ASPM: variants seen among roughly 807,000 people sequenced by gnomAD.
The protein encoded by ASPM is assembly factor for spindle microtubules.
ASPM carries 256 observed loss-of-function variants against 366.4 expected under a neutral mutation model. The observed-to-expected ratio is 0.70, with a 90% CI of 0.63 to 0.77. The LOEUF is 0.77. Ranked by LOEUF, ASPM falls within the 30% of genes least tolerant of loss-of-function variation. The pLI is 0.00. For synonymous variants in ASPM, 1,414 were observed against 1,342.9 expected (o/e 1.05, Z -1.16); for missense variants, 4,146 against 4,090.4 (o/e 1.01, Z -0.37).
chr1:197,117,788 C>A lies in ASPM; in HGVS notation c.4065+1G>T. On this transcript the variant is annotated splice_donor_variant, in intron 17 of 27. Transcript: ENST00000367409. LOFTEE classifies it high-confidence loss of function. ...TCAAAAATTAGTCCAGGATACTATA[C>A]CTGAATAAGTGATGCTGCTTTATTT... is the stretch of plus-strand genomic sequence containing the variant. 1 of 1,610,502 alleles carries A rather than the reference C, an allele frequency of 6.2e-7. No homozygotes were observed. The highest frequency in any genetic ancestry group is 8.5e-7 in the Non-Finnish European group (1 of 1,178,414).
In ASPM at chr1:197,145,845, A is replaced by AATATATATATATAT. The variant is rs71131744; in HGVS notation, c.297+282_297+295dup. On this transcript the variant is annotated intron_variant, in intron 1 of 27. Transcript: ENST00000367409. Reference sequence around the variant, plus strand: ...CGTCTATCCTAGCCTTCAATTAGAGAATATATATATATATATATATATAAT... The same window carrying AATATATATATATAT: ...CGTCTATCCTAGCCTTCAATTAGAGAATATATATATATATATATATATATATATATATATATAAT... 8.5e-4 allele frequency among the ~76,000 whole-genome samples: 125 copies of AATATATATATATAT among 147,704 alleles called. 1 individual carries two copies. Among genetic ancestry groups the AATATATATATATAT allele is most frequent in the African/African-American group, 3.0e-3 (118 of 39,252 alleles).
intron 16 of ASPM, among the ~76,000 whole-genome samples, chr1:197,119,607 A>G (rs975904320): frequency 1.3e-4 from 7 of 55,046 alleles, no homozygotes; most frequent in Admixed American, 2.6e-4. Context: ...TACTGATGAT[A>G]AAAGTTTCCA....
At chr1:197,116,280 A>G (rs1657733940) in intron 17 of ASPM, among the ~76,000 whole-genome samples, 1 of 152,108 alleles carries the variant, frequency 6.6e-6, no homozygotes, top group Non-Finnish European at 1.5e-5. Flanking sequence ...CCTTCTCTGG[A>G]TTAGGCTTTG....
In ASPM at chr1:197,122,559, C is replaced by T. The variant is rs745826805; in HGVS notation, c.3427G>A (p.Val1143Met). Residue 1143 changes from valine (V) to methionine (M), a missense_variant, in exon 14 of 28, where the codon GTG becomes ATG. Around this residue, in one of 3 missense-constraint regions of ASPM, gnomAD observed 3,624 missense variants for 3,591.7 expected, o/e 1.01. Transcript: ENST00000367409. ...NFTVSFSDGR[V>M]LCYLIHHYHP... ...TAATGGTGGATCAGGTAACATAACACACGGCCGTCTGAGAAAGACACTGTA... is the reference window on the plus strand; with the variant it reads ...TAATGGTGGATCAGGTAACATAACATACGGCCGTCTGAGAAAGACACTGTA... The T allele has an allele frequency of 3.1e-6, 5 of 1,612,140 alleles. No homozygotes were observed. In the South Asian group the frequency reaches 5.5e-5, roughly 18 times the overall value.
intron 27 of ASPM, among the ~76,000 whole-genome samples, chr1:197,085,818 G>A (rs1162251524): frequency 2.0e-5 from 3 of 152,102 alleles, no homozygotes; most frequent in Admixed American, 2.0e-4. Flanking sequence ...GTATCTCAGT[G>A]GTGGTAGTTT....
rs769532850 is a variant in ASPM, at chr1:197,121,948, T to C, written c.3837A>G (p.Lys1279=). 1 of 1,611,586 alleles carries C rather than the reference T, an allele frequency of 6.2e-7. No individual in the cohort carries two copies. The highest frequency in any genetic ancestry group is 8.5e-7 in the Non-Finnish European group (1 of 1,178,064). The change falls in exon 16 of 28, where the codon AAA becomes AAG. Residue 1279 remains lysine (K), a synonymous_variant. Transcript: ENST00000367409. ...AARLIQTTWR[K]YKLKTDLKRH... ...GTTTGAGATCTGTTTTTAGTTTATA[T>C]TTTCTCCATGTTGTTTGTATGAGTC...
intron 20 of ASPM, 42 bp downstream of exon 20, chr1:197,094,042 C>G (rs778939487): frequency 5.2e-5 from 60 of 1,161,060 alleles, no homozygotes; most frequent in Non-Finnish European, 6.9e-5. Flanking sequence ...TTTCTATTTC[C>G]TAAAGTAGTT....
chr1:197,095,570 C>T (rs968917533), intron 19 of ASPM, among the ~76,000 whole-genome samples: 4 of 151,366 alleles, frequency 2.6e-5, no homozygotes, highest in African/African-American at 9.7e-5. Context: ...TCATTAATGA[C>T]AAAGAGTATG....
In ASPM at chr1:197,127,823, T is replaced by C. The variant is rs73065975; in HGVS notation, c.2936+667A>G. ...ATATGTAAAACAAGGTTAATACTAC[T>C]AAAAATGGTCTCAAATGATATAAAA... is the stretch of plus-strand genomic sequence containing the variant. On this transcript the variant is annotated intron_variant, in intron 10 of 27. Transcript: ENST00000367409. Among the ~76,000 whole-genome samples the C allele has an allele frequency of 5.6e-4, 85 of 152,270 alleles. 1 individual carries two copies. The highest frequency in any genetic ancestry group is 1.8e-3 in the African/African-American group (76 of 41,560).
At chr1:197,085,462 T>A (rs1176663973) in intron 27 of ASPM, among the ~76,000 whole-genome samples, 1 of 152,158 alleles carries the variant, frequency 6.6e-6, no homozygotes, top group African/African-American at 2.4e-5. Context: ...TTCCCTACTA[T>A]ATGCATTTCC....
In ASPM at chr1:197,143,390, C is replaced by T; in HGVS notation, c.862G>A (p.Gly288Ser). ...AGTTTACTATTCTCTCCTCTTTGGC[C>T]ATTAACATTTACGGAATTAAAGGAA... ...ETSFNSVNVN[G>S]QRGENSKLSL... The change falls in exon 3 of 28, where the codon GGC becomes AGC. Residue 288 changes from glycine to serine, a missense_variant. Physicochemically the swap from Gly to Ser is moderately conservative, Grantham distance 56 (BLOSUM62 0). Transcript: ENST00000367409. 1 of 1,613,868 alleles carries T rather than the reference C, an allele frequency of 6.2e-7. No individual in the cohort carries two copies. The highest frequency in any genetic ancestry group is 8.5e-7 in the Non-Finnish European group (1 of 1,179,794).
At chr1:197,107,383 TG>T (rs559291774) in intron 17 of ASPM, among the ~76,000 whole-genome samples, 117 of 152,222 alleles carry the variant, frequency 7.7e-4, no homozygotes, top group African/African-American at 2.6e-3. Flanking sequence ...GCTACGCTCA[TG>T]GAAGGCTGAT....
intron 17 of ASPM, among the ~76,000 whole-genome samples, chr1:197,112,261 G>A (rs918542277): frequency 6.6e-6 from 1 of 152,062 alleles, no homozygotes; most frequent in South Asian, 2.1e-4. Context: ...CACGGGAACA[G>A]AAAACCAAAC....
rs1429578335 is a variant in ASPM, at chr1:197,142,907, C to G, written c.1345G>C (p.Ala449Pro). ...PECQGSKSPKAIFEELVEMKS... is the reference protein window; with the variant it reads ...PECQGSKSPKPIFEELVEMKS... ...ATTTCTACTAGTTCTTCAAAAATAG[C>G]TTTGGGAGATTTTGAACCCTGACAT... The change falls in exon 3 of 28, where the codon GCT (alanine) becomes CCT (proline). Residue 449 changes from alanine to proline, a missense_variant. This residue lies in a region of ASPM where 3,624 missense variants were observed against 3,591.7 expected (regional missense o/e 1.01). Transcript: ENST00000367409. The G allele has an allele frequency of 1.2e-6, 2 of 1,613,836 alleles. No homozygotes were observed. Among genetic ancestry groups the G allele is most frequent in the South Asian group, 2.2e-5 (2 of 91,078 alleles).
intron 17 of ASPM, 98 bp downstream of exon 17, chr1:197,117,690 CT>C: frequency 9.1e-7 from 1 of 1,097,898 alleles, no homozygotes; most frequent in Non-Finnish European, 1.3e-6. Flanking sequence ...ATAAAGAATC[CT>C]AAAATATAAT....
At chr1:197,107,985 A>G (rs1174710848) in intron 17 of ASPM, among the ~76,000 whole-genome samples, 5 of 152,138 alleles carry the variant, frequency 3.3e-5, no homozygotes, top group Non-Finnish European at 7.4e-5. Flanking sequence ...GCCTGCAGAT[A>G]TACCAACCTC....
At chr1:197,096,730 A>G (rs1656985792) in intron 18 of ASPM, among the ~76,000 whole-genome samples, 5 of 151,798 alleles carry the variant, frequency 3.3e-5, no homozygotes, top group Admixed American at 3.3e-4. Flanking sequence ...TTAGTCCTTA[A>G]TAATCACATG....
intron 26 of ASPM, 120 bp downstream of exon 26, chr1:197,088,136 G>C (rs932184787): frequency 1.9e-6 from 2 of 1,063,904 alleles, no homozygotes; most frequent in Non-Finnish European, 2.8e-6. Context: ...GCAAAAAGCA[G>C]GTTTGAACAC....
chr1:197,121,789 C>G (rs1177560177), intron 16 of ASPM, 126 bp downstream of exon 16: 7 of 1,218,644 alleles, frequency 5.7e-6, no homozygotes, highest in Non-Finnish European at 8.2e-6. Context: ...AATACATATA[C>G]ACAATTACTA....
Sources: gnomAD v4.1 joint callset for allele counts (sites outside exome capture counted in the v4.1 genomes callset) on GRCh38, gnomAD v4.1.1 for gene constraint, gnomAD v4.1.1 regional missense constraint, MANE v1.5 for transcripts, NCBI Gene and HGNC (gene_info 2026-07-23, HGNC 2026-07-21) for gene names.